Variants in ZNF487 observed in about 807,000 individuals in gnomAD.
ZNF487 encodes KRAB domain only 1.
In ZNF487, 4 loss-of-function variants were observed where a neutral mutation model predicts 3.0. The ratio of observed to expected loss-of-function variants is 1.35; its 90% CI spans 0.66 to 3.08. The LOEUF is 3.08. ZNF487 is among the 30% of genes most tolerant of loss of function. The probability of loss-of-function intolerance (pLI) is 0.01; values close to 1 mark genes in which losing one functional copy is unlikely to be tolerated. For missense variants in ZNF487, 146 were observed against 98.7 expected, an observed-to-expected ratio of 1.48 and a Z score of -2.03; for synonymous variants, 55 against 34.6, an observed-to-expected ratio of 1.59 and a Z score of -2.06.
At chr10:43,450,335 A>G (rs1475406794) in intron 1 of ZNF487, among the ~76,000 whole-genome samples, 1 of 151,308 alleles carries the variant, frequency 6.6e-6, no homozygotes, top group African/African-American at 2.4e-5. Context: ...GGTGTGAGCC[A>G]CCAAGCCCGG....
At chr10:43,440,594 G>A (rs1451300360) in intron 1 of ZNF487, among the ~76,000 whole-genome samples, 2 of 151,628 alleles carry the variant, frequency 1.3e-5, no homozygotes, top group African/African-American at 4.8e-5. Flanking sequence ...GGAGGCAGAG[G>A]CAGCAGTGAG....
chr10:43,475,939 A>G lies in ZNF487; in HGVS notation c.34+92A>G. On this transcript the variant is annotated intron_variant, in intron 2 of 3. Coordinates refer to ENST00000437590, the MANE Select transcript of ZNF487 (RefSeq NM_001355444.3). ...GTTTCTTTGTATGAATATGAGTTAAAGGCTTGAGACTCAGGAGTTGAAGCT... is the reference window on the plus strand; with the variant it reads ...GTTTCTTTGTATGAATATGAGTTAAGGGCTTGAGACTCAGGAGTTGAAGCT... 7 of 657,230 alleles carry G rather than the reference A, an allele frequency of 1.1e-5. No homozygotes were observed. In the South Asian group the frequency reaches 1.1e-4, roughly 10 times the overall value. The allele number at this position is 657,230 out of a possible 1,614,324, so 40.7% of individuals were successfully genotyped here. A position where few individuals can be genotyped will look rare whatever the true frequency, so the allele number is the denominator to read the frequency against.
the ZNF487 span, among the ~76,000 whole-genome samples, chr10:43,508,572 G>T: frequency 6.8e-4 from 103 of 151,412 alleles, 2 homozygotes; most frequent in South Asian, 0.021. Flanking sequence ...ACTTTGGGAG[G>T]CCGAGGCGGG....
chr10:43,498,979 A>G, the ZNF487 span, among the ~76,000 whole-genome samples: 16 of 152,174 alleles, frequency 1.1e-4, no homozygotes, highest in Admixed American at 3.9e-4. Flanking sequence ...AATCTAAACA[A>G]ACATTTCTTT....
At chr10:43,500,450 C>T in the ZNF487 span, among the ~76,000 whole-genome samples, 1 of 152,122 alleles carries the variant, frequency 6.6e-6, no homozygotes, top group Non-Finnish European at 1.5e-5. Context: ...AAAACAACCC[C>T]CCACCCCTGG....
the ZNF487 span, chr10:43,496,045 G>A: frequency 1.3e-5 from 7 of 534,270 alleles, no homozygotes; most frequent in African/African-American, 1.3e-4. Flanking sequence ...ACGTGACTGT[G>A]GACTTCACCC....
intron 1 of ZNF487, among the ~76,000 whole-genome samples, chr10:43,467,979 TAAC>T (rs1264527221): frequency 3.3e-5 from 5 of 152,108 alleles, no homozygotes; most frequent in African/African-American, 1.2e-4. Flanking sequence ...TAGGTCCAAT[TAAC>T]AACATTAATA....
intron 1 of ZNF487, chr10:43,452,114 T>C (rs1840031785): frequency 6.6e-6 from 1 of 151,502 alleles, no homozygotes; most frequent in Non-Finnish European, 1.5e-5. Context: ...AATTCTCTTT[T>C]AATTTTCCAT....
At chr10:43,493,709 A>AAAAAAAAAAATATATATATAT in the ZNF487 span, among the ~76,000 whole-genome samples, 2 of 43,698 alleles carry the variant, frequency 4.6e-5, no homozygotes, top group Admixed American at 4.4e-4. Flanking sequence ...AAAAAAAAAA[A>AAAAAAAAAAATATATATATAT]ATATATATAT....
the ZNF487 span, among the ~76,000 whole-genome samples, chr10:43,490,306 C>T: frequency 1.2e-4 from 18 of 152,018 alleles, no homozygotes; most frequent in East Asian, 1.4e-3. Context: ...GAGCTGAGAT[C>T]GTGCCACTGT....
intron 1 of ZNF487, among the ~76,000 whole-genome samples, chr10:43,451,271 G>GTT (rs1175925951): frequency 1.3e-5 from 2 of 151,186 alleles, no homozygotes; most frequent in Non-Finnish European, 2.9e-5. Context: ...TAGAGATGGA[G>GTT]TTTTGCTCTT....
the ZNF487 span, among the ~76,000 whole-genome samples, chr10:43,502,691 A>C: frequency 1.3e-5 from 2 of 152,186 alleles, no homozygotes; most frequent in African/African-American, 4.8e-5. Context: ...TTATGTATTT[A>C]CTATACATTT....
the ZNF487 span, among the ~76,000 whole-genome samples, chr10:43,500,206 C>T: frequency 2.0e-3 from 305 of 151,960 alleles, no homozygotes; most frequent in Non-Finnish European, 3.4e-3. Flanking sequence ...GGCAAGGTCT[C>T]ACTATGTTGC....
At chr10:43,477,671 G>T (rs1010512716) in intron 3 of ZNF487, among the ~76,000 whole-genome samples, 10 of 150,702 alleles carry the variant, frequency 6.6e-5, no homozygotes, top group Non-Finnish European at 1.3e-4. Context: ...AAAAAATGAG[G>T]TCGGGCTTGG....
the ZNF487 span, among the ~76,000 whole-genome samples, chr10:43,507,510 T>A: frequency 6.6e-6 from 1 of 152,308 alleles, no homozygotes; most frequent in Non-Finnish European, 1.5e-5. Flanking sequence ...TGCAAATCTG[T>A]TGTAGCCCAC....
chr10:43,465,003 C>T (rs1297870557), intron 1 of ZNF487, among the ~76,000 whole-genome samples: 2 of 140,826 alleles, frequency 1.4e-5, no homozygotes, highest in Non-Finnish European at 3.0e-5. Flanking sequence ...GGGGGCTGAC[C>T]CCCCCACCTC....
the ZNF487 span, among the ~76,000 whole-genome samples, chr10:43,517,304 C>T: frequency 6.6e-6 from 1 of 152,232 alleles, no homozygotes; most frequent in Non-Finnish European, 1.5e-5. Context: ...ATCTTTCAGT[C>T]CTCTTTGAGA....
chr10:43,484,224 A>G (rs1841450275), downstream of ZNF487, among the ~76,000 whole-genome samples: 1 of 152,166 alleles, frequency 6.6e-6, no homozygotes, highest in Non-Finnish European at 1.5e-5. Context: ...TACAGTATTT[A>G]ACTATTTCTG....
chr10:43,496,551 C>T, the ZNF487 span, among the ~76,000 whole-genome samples: 1 of 152,194 alleles, frequency 6.6e-6, no homozygotes, highest in African/African-American at 2.4e-5. Flanking sequence ...AGTACCTACC[C>T]ACTGTAAGCC....
Sources: allele counts gnomAD v4.1 joint callset (sites outside exome capture counted in the v4.1 genomes callset), GRCh38; gene constraint gnomAD v4.1.1; transcripts MANE v1.5; gene names NCBI Gene and HGNC (gene_info 2026-07-23, HGNC 2026-07-21).